Variants in CSNK2A2IP observed in about 807,000 individuals in gnomAD.
CSNK2A2IP encodes casein kinase 2 subunit alpha' interacting protein, also known as casein kinase II subunit alpha'-interacting protein.
the CSNK2A2IP span, among the ~76,000 whole-genome samples, chr3:88,364,669 G>T: frequency 6.6e-6 from 1 of 152,202 alleles, no homozygotes; most frequent in East Asian, 1.9e-4. Flanking sequence ...CCATAGAACA[G>T]TTGCTATTTT....
the CSNK2A2IP span, chr3:88,466,639 C>T: frequency 8.1e-7 from 1 of 1,228,408 alleles, no homozygotes; most frequent in South Asian, 4.1e-5. Flanking sequence ...TGGAACTGTC[C>T]CTGATGATGT....
At chr3:88,427,987 G>C in the CSNK2A2IP span, among the ~76,000 whole-genome samples, 1 of 152,118 alleles carries the variant, frequency 6.6e-6, no homozygotes, top group East Asian at 1.9e-4. Context: ...GCCTGGAAAA[G>C]CTGCAGACAC....
chr3:88,368,462 C>G, the CSNK2A2IP span, among the ~76,000 whole-genome samples: 2 of 152,050 alleles, frequency 1.3e-5, no homozygotes, highest in South Asian at 2.1e-4. Context: ...GCCATAGAGA[C>G]AGACAAATTA....
the CSNK2A2IP span, among the ~76,000 whole-genome samples, chr3:88,381,490 AGGT>A: frequency 6.6e-6 from 1 of 152,156 alleles, no homozygotes; most frequent in East Asian, 1.9e-4. Context: ...TGTTGGAGGT[AGGT>A]GGTGGTGAGG....
At chr3:88,377,741 G>T in the CSNK2A2IP span, among the ~76,000 whole-genome samples, 2 of 151,860 alleles carry the variant, frequency 1.3e-5, no homozygotes, top group Non-Finnish European at 2.9e-5. Context: ...TAAAAAAGGT[G>T]TGTAAGTAAT....
At chr3:88,418,463 T>TGTGCGCGCGCGCGCGCGCGCGCGC in the CSNK2A2IP span, among the ~76,000 whole-genome samples, 1 of 149,536 alleles carries the variant, frequency 6.7e-6, no homozygotes, top group African/African-American at 2.5e-5. Flanking sequence ...TGTGTGTGTG[T>TGTGCGCGCGCGCGCGCGCGCGCGC]GCGCGCGGGC....
At chr3:88,390,917 T>C in the CSNK2A2IP span, among the ~76,000 whole-genome samples, 4 of 152,210 alleles carry the variant, frequency 2.6e-5, no homozygotes, top group Admixed American at 2.6e-4. Flanking sequence ...ACCTAAAAGA[T>C]AAAAATTAAA....
the CSNK2A2IP span, among the ~76,000 whole-genome samples, chr3:88,413,555 T>A: frequency 6.6e-6 from 1 of 151,954 alleles, no homozygotes; most frequent in East Asian, 1.9e-4. Context: ...GAGTGACATA[T>A]ACTTTTAGAA....
At chr3:88,341,503 A>G in the CSNK2A2IP span, among the ~76,000 whole-genome samples, 2 of 151,844 alleles carry the variant, frequency 1.3e-5, no homozygotes, top group South Asian at 2.1e-4. Context: ...CTGTTTCCTC[A>G]TCTGTAAGAT....
At chr3:88,400,553 A>G in the CSNK2A2IP span, among the ~76,000 whole-genome samples, 130 of 152,312 alleles carry the variant, frequency 8.5e-4, no homozygotes, top group African/African-American at 3.0e-3. Flanking sequence ...ATCTAATTGT[A>G]TAGGTCTTTA....
the CSNK2A2IP span, among the ~76,000 whole-genome samples, chr3:88,429,741 T>A: frequency 6.6e-6 from 1 of 152,092 alleles, no homozygotes; most frequent in East Asian, 1.9e-4. Context: ...GGAGCATTTT[T>A]TTTGTTGTTG....
chr3:88,347,677 C>T, the CSNK2A2IP span, among the ~76,000 whole-genome samples: 3 of 152,024 alleles, frequency 2.0e-5, no homozygotes, highest in Non-Finnish European at 2.9e-5. Flanking sequence ...ATTATTTTGA[C>T]TCACTTTATT....
chr3:88,440,650 A>G, the CSNK2A2IP span, among the ~76,000 whole-genome samples: 1 of 152,226 alleles, frequency 6.6e-6, no homozygotes, highest in Non-Finnish European at 1.5e-5. Flanking sequence ...GTTTCATCCA[A>G]ATTAAACGTT....
At chr3:88,462,362 C>T in the CSNK2A2IP span, among the ~76,000 whole-genome samples, 1 of 151,990 alleles carries the variant, frequency 6.6e-6, no homozygotes, top group Non-Finnish European at 1.5e-5. Flanking sequence ...ATTTTCTTCC[C>T]TCACCCCAGG....
At chr3:88,465,833 C>G in the CSNK2A2IP span, 12 of 1,231,674 alleles carry the variant, frequency 9.7e-6, no homozygotes, top group Admixed American at 2.1e-4. Flanking sequence ...AAACCTCAAA[C>G]AACATCTTCA....
chr3:88,443,636 T>C, the CSNK2A2IP span, among the ~76,000 whole-genome samples: 1 of 152,172 alleles, frequency 6.6e-6, no homozygotes, highest in African/African-American at 2.4e-5. Flanking sequence ...AAAAGGACTC[T>C]TCTTATCCAC....
At chr3:88,370,309 A>G in the CSNK2A2IP span, among the ~76,000 whole-genome samples, 313 of 152,020 alleles carry the variant, frequency 2.1e-3, 2 homozygotes, top group African/African-American at 6.8e-3. Context: ...GAAACATTAC[A>G]TGATTATTTT....
At chr3:88,407,019 T>C in the CSNK2A2IP span, among the ~76,000 whole-genome samples, 2 of 152,324 alleles carry the variant, frequency 1.3e-5, no homozygotes, top group East Asian at 1.9e-4. Flanking sequence ...CATGTAATGC[T>C]GTTAGTTCCT....
chr3:88,431,044 C>G, the CSNK2A2IP span: 2 of 152,218 alleles, frequency 1.3e-5, no homozygotes, highest in Admixed American at 6.5e-5. Context: ...ATGCATTCTA[C>G]TAAAGCAACA....
Sources: allele counts gnomAD v4.1 joint callset (sites outside exome capture counted in the v4.1 genomes callset), GRCh38; gene constraint gnomAD v4.1.1; transcripts MANE v1.5; gene names NCBI Gene and HGNC (gene_info 2026-07-23, HGNC 2026-07-21).